BOC: variants seen among roughly 807,000 people sequenced by gnomAD.
The protein encoded by BOC is BOC cell adhesion associated, oncogene regulated.
In BOC, 76 loss-of-function variants were observed where a neutral mutation model predicts 112.0. That is an observed-to-expected ratio of 0.68 (90% CI 0.56 to 0.82). The LOEUF (loss-of-function observed/expected upper bound fraction) is 0.82. Among genes scored for constraint, BOC ranks in the 40% least tolerant of loss-of-function variants. BOC has a pLI of 0.00. For missense variants in BOC, 1,309 were observed against 1,511.7 expected, an observed-to-expected ratio of 0.87 and a Z score of 2.22; for synonymous variants, 580 against 599.8, an observed-to-expected ratio of 0.97 and a Z score of 0.48.
At chr3:113,233,119 C>T (rs751420229) in intron 2 of BOC, among the ~76,000 whole-genome samples, 1 of 148,314 alleles carries the variant, frequency 6.7e-6, no homozygotes, top group East Asian at 2.0e-4. Context: ...AGATTTCCTG[C>T]AAGCATGCAT....
In BOC at chr3:113,233,153, GT is replaced by G. The variant is rs1465562051; in HGVS notation, c.-81-16568del. On this transcript the variant is annotated intron_variant, in intron 2 of 19. Coordinates refer to ENST00000682979, the MANE Select transcript of BOC (RefSeq NM_001378074.1). Reference sequence around the variant, plus strand: ...ATGAGCATGTAAAGGATTGGGGTGTGTGTGTGTGTGTGTGTGTGTGTGTGTG... The same window carrying G: ...ATGAGCATGTAAAGGATTGGGGTGTGGTGTGTGTGTGTGTGTGTGTGTGTG... Among the ~76,000 whole-genome samples, 762 of 103,046 alleles carry G rather than the reference GT, an allele frequency of 7.4e-3. 19 individuals are homozygous for G. The highest frequency in any genetic ancestry group is 0.04 in the East Asian group (193 of 4,864). 67.6% of individuals were successfully genotyped at this position (103,046 alleles called of 152,430 possible). A position where few individuals can be genotyped will look rare whatever the true frequency, so the allele number is the denominator to read the frequency against.
At chr3:113,220,966 T>C (rs1255417092) in intron 2 of BOC, among the ~76,000 whole-genome samples, 1 of 152,094 alleles carries the variant, frequency 6.6e-6, no homozygotes, top group Non-Finnish European at 1.5e-5. Context: ...CTGGGAAAGA[T>C]GGCTGTGTTG....
At chr3:113,230,511 C>G (rs1196931802) in intron 2 of BOC, among the ~76,000 whole-genome samples, 2 of 152,220 alleles carry the variant, frequency 1.3e-5, no homozygotes, top group African/African-American at 4.8e-5. Flanking sequence ...TAAGCAAGTT[C>G]CTTAATCTCT....
intron 4 of BOC, among the ~76,000 whole-genome samples, chr3:113,255,133 T>A (rs1276237197): frequency 6.6e-6 from 1 of 152,254 alleles, no homozygotes; most frequent in Non-Finnish European, 1.5e-5. Flanking sequence ...ACTTTCTTGC[T>A]GCCAATGCCC....
At chr3:113,236,912 T>A (rs1449141516) in intron 2 of BOC, among the ~76,000 whole-genome samples, 5 of 152,232 alleles carry the variant, frequency 3.3e-5, no homozygotes, top group East Asian at 1.9e-4. Context: ...CTAACTTTTT[T>A]AAATAGCTCA....
rs1211348968 is a variant in BOC at position 113,284,198 on chromosome 3, G to A, written c.2657-137G>A. The A allele has an allele frequency of 4.7e-5, 33 of 703,548 alleles. No homozygotes were observed. In the East Asian group the frequency reaches 5.6e-4, roughly 12 times the overall value. The allele number at this position is 703,548 out of a possible 1,614,324, so 43.6% of individuals were successfully genotyped here. ...ACTCTAGGAGAAAATGTTCTCCATC[G>A]CTTGGGCACTGTCAACTCCCTGCCT... On this transcript the variant is annotated intron_variant, in intron 16 of 19. Transcript: ENST00000682979.
Position 113,274,280 on chromosome 3 carries a change from C to A in BOC, c.1235-95C>A. The A allele has an allele frequency of 7.8e-7, 1 of 1,281,244 alleles. No individual in the cohort carries two copies. Among genetic ancestry groups the A allele is most frequent in the Non-Finnish European group, 1.0e-6 (1 of 956,200 alleles). The allele number at this position is 1,281,244 out of a possible 1,614,324, so 79.4% of individuals were successfully genotyped here. A position where few individuals can be genotyped will look rare whatever the true frequency, so the allele number is the denominator to read the frequency against. On this transcript the variant is annotated intron_variant, in intron 8 of 19. Coordinates refer to ENST00000682979, the MANE Select transcript of BOC (RefSeq NM_001378074.1). The surrounding 1 kb of genome is among the most constrained non-coding windows in gnomAD (Gnocchi z 4.8). ...ACAGCTGATGGTGGGCCCAGGTTGC[C>A]TCTCTGTCTTCTTTCTGTTTTCTCC...
At chr3:113,265,246 T>C (rs1019412528) in intron 4 of BOC, among the ~76,000 whole-genome samples, 9 of 152,214 alleles carry the variant, frequency 5.9e-5, no homozygotes, top group African/African-American at 2.2e-4. Flanking sequence ...GGCATCCTGG[T>C]GCCAAACTCC....
At chr3:113,219,449 A>G (rs1053606146) in intron 2 of BOC, among the ~76,000 whole-genome samples, 2 of 152,244 alleles carry the variant, frequency 1.3e-5, no homozygotes, top group African/African-American at 4.8e-5. Flanking sequence ...TTATTATCCT[A>G]TTCCACAGAT....
chr3:113,211,783 C>G lies in BOC; in HGVS notation c.-403C>G, dbSNP rs1261250690. ...CGCGCACACACGGCGCGCACACCCT[C>G]ACGCCCGCCACAGCCACAACACGCC... On this transcript the variant is annotated 5_prime_UTR_variant, in exon 1 of 20. Coordinates refer to ENST00000682979, the MANE Select transcript of BOC (RefSeq NM_001378074.1). 3 of 152,744 alleles carry G rather than the reference C, an allele frequency of 2.0e-5. No individual in the cohort carries two copies. Among genetic ancestry groups the G allele is most frequent in the Non-Finnish European group, 4.4e-5 (3 of 68,558 alleles). The allele number at this position is 152,744 out of a possible 1,614,324, so 9.5% of individuals were successfully genotyped here.
At chr3:113,272,304 G>T in intron 6 of BOC, 106 bp from the exon 7 acceptor site, 1 of 1,256,702 alleles carries the variant, frequency 8.0e-7, no homozygotes, top group Non-Finnish European at 1.1e-6. Context: ...GACCCGGAAT[G>T]GCTGTTTGAT....
chr3:113,215,708 T>C (rs1939233517), intron 1 of BOC, among the ~76,000 whole-genome samples: 1 of 152,214 alleles, frequency 6.6e-6, no homozygotes, highest in African/African-American at 2.4e-5. Flanking sequence ...CCCTAATTTC[T>C]TAAAGCTCTG....
At chr3:113,252,427 C>T (rs1411243981) in intron 4 of BOC, among the ~76,000 whole-genome samples, 2 of 152,284 alleles carry the variant, frequency 1.3e-5, no homozygotes, top group East Asian at 3.9e-4. Context: ...CATCATGGGG[C>T]TTACCTAAGG....
At chr3:113,253,849 C>A (rs1235667831) in intron 4 of BOC, among the ~76,000 whole-genome samples, 5 of 152,160 alleles carry the variant, frequency 3.3e-5, no homozygotes. Context: ...TGCGTGTGCC[C>A]TTAAAGAGCA....
chr3:113,230,990 A>T (rs1454585624), intron 2 of BOC, among the ~76,000 whole-genome samples: 1 of 152,206 alleles, frequency 6.6e-6, no homozygotes, highest in South Asian at 2.1e-4. Context: ...GTGTGAATGC[A>T]ACAGAATCCT....
intron 4 of BOC, among the ~76,000 whole-genome samples, chr3:113,254,653 A>T (rs190838508): frequency 1.8e-4 from 28 of 152,258 alleles, no homozygotes; most frequent in African/African-American, 6.7e-4. Context: ...ACCCACACAC[A>T]CTCAGCATGG....
Position 113,286,902 on chromosome 3 carries a change from T to G in BOC, c.*40T>G. The stretch of plus-strand genomic sequence containing the variant: ...CCCAGAAAGACTATATATTGTTTTT[T>G]TTTTAAAAAAAAAAAGAAGAAAAAA... On this transcript the variant is annotated 3_prime_UTR_variant, in exon 20 of 20. Coordinates refer to ENST00000682979, the MANE Select transcript of BOC (RefSeq NM_001378074.1). 1.3e-6 allele frequency: 2 copies of G among 1,488,516 alleles called. No homozygotes were observed. The highest frequency in any genetic ancestry group is 1.5e-5 in the African/African-American group (1 of 68,862). The allele number at this position is 1,488,516 out of a possible 1,614,324, so 92.2% of individuals were successfully genotyped here.
chr3:113,231,282 G>A (rs2107704960), intron 2 of BOC, among the ~76,000 whole-genome samples: 1 of 152,278 alleles, frequency 6.6e-6, no homozygotes, highest in East Asian at 1.9e-4. Context: ...AAAGCTAAAA[G>A]GGCAAATCCC....
chr3:113,263,398 C>T (rs1220822206), intron 4 of BOC, among the ~76,000 whole-genome samples: 1 of 152,212 alleles, frequency 6.6e-6, no homozygotes, highest in African/African-American at 2.4e-5. Context: ...AAGCATTCAG[C>T]AGAGCTCATG....
Sources: allele counts gnomAD v4.1 joint callset (sites outside exome capture counted in the v4.1 genomes callset), GRCh38; gene constraint gnomAD v4.1.1; non-coding constraint Gnocchi (gnomAD v3.1); transcripts MANE v1.5; gene names NCBI Gene and HGNC (gene_info 2026-07-23, HGNC 2026-07-21).